CNTNAP2: variants seen among roughly 807,000 people sequenced by gnomAD.
CNTNAP2 encodes contactin-associated protein-like 2.
A neutral mutation model predicts 155.2 loss-of-function variants in CNTNAP2; 98 were observed. The ratio of observed to expected loss-of-function variants is 0.63; its 90% CI spans 0.54 to 0.75. The LOEUF (loss-of-function observed/expected upper bound fraction) is 0.75, where lower values mean the gene tolerates loss of function less well. Among genes scored for constraint, CNTNAP2 ranks in the 30% least tolerant of loss-of-function variants. CNTNAP2 has a pLI of 0.00. For missense variants in CNTNAP2, 1,727 were observed against 1,688.1 expected (o/e 1.02, Z -0.40); for synonymous variants, 651 against 631.2 (o/e 1.03, Z -0.47).
At chr7:146,675,181 T>A (rs200719418) in intron 1 of CNTNAP2, among the ~76,000 whole-genome samples, 5 of 150,034 alleles carry the variant, frequency 3.3e-5, no homozygotes, top group African/African-American at 9.8e-5. Context: ...AAAAAAAAAA[T>A]AATAAATGGG....
intron 15 of CNTNAP2, among the ~76,000 whole-genome samples, chr7:148,028,488 A>G (rs1314171792): frequency 2.0e-5 from 3 of 152,206 alleles, no homozygotes; most frequent in Admixed American, 6.5e-5. Context: ...AGGTGGAAGG[A>G]TCACTTGAGT....
intron 14 of CNTNAP2, among the ~76,000 whole-genome samples, chr7:147,973,355 C>G (rs1462276813): frequency 1.3e-5 from 2 of 151,960 alleles, no homozygotes; most frequent in Non-Finnish European, 2.9e-5. Context: ...CAAAAGTGAC[C>G]AAGGAGGCAT....
intron 13 of CNTNAP2, among the ~76,000 whole-genome samples, chr7:147,801,313 T>TTTG (rs1554436491): frequency 6.6e-6 from 1 of 150,690 alleles, no homozygotes; most frequent in African/African-American, 2.4e-5. Flanking sequence ...TATGAAGTTT[T>TTTG]TTTTTTTTTT....
intron 1 of CNTNAP2, among the ~76,000 whole-genome samples, chr7:146,767,242 A>G (rs945507198): frequency 3.6e-4 from 55 of 152,168 alleles, no homozygotes; most frequent in African/African-American, 1.3e-3. Flanking sequence ...GTGCAAAGTT[A>G]GTTGCTTCTG....
intron 15 of CNTNAP2, among the ~76,000 whole-genome samples, chr7:148,006,313 GTTC>G (rs1801977942): frequency 7.2e-6 from 1 of 138,144 alleles, no homozygotes; most frequent in African/African-American, 2.8e-5. Context: ...TTTATAGGAA[GTTC>G]TTTTTTTTTT....
chr7:148,003,066 AG>A (rs1789246116), intron 15 of CNTNAP2, among the ~76,000 whole-genome samples: 1 of 152,160 alleles, frequency 6.6e-6, no homozygotes, highest in Non-Finnish European at 1.5e-5. Context: ...TTGTGCTGAC[AG>A]TGCAGGTTCT....
At chr7:146,270,099 C>T (rs1401036520) in intron 1 of CNTNAP2, among the ~76,000 whole-genome samples, 2 of 152,254 alleles carry the variant, frequency 1.3e-5, no homozygotes, top group Non-Finnish European at 2.9e-5. Flanking sequence ...TCTAACTGGA[C>T]TTTCTCCCAT....
chr7:146,952,361 A>G (rs574007655), intron 3 of CNTNAP2, among the ~76,000 whole-genome samples: 3 of 152,194 alleles, frequency 2.0e-5, no homozygotes, highest in African/African-American at 7.2e-5. Flanking sequence ...CCATTTGAAA[A>G]CTGGCACAAG....
intron 11 of CNTNAP2, among the ~76,000 whole-genome samples, chr7:147,489,181 T>C (rs1028835109): frequency 6.6e-6 from 1 of 152,192 alleles, no homozygotes; most frequent in Admixed American, 6.5e-5. Flanking sequence ...CCTGTTTTCA[T>C]TTGTTAGTTT....
chr7:147,251,995 G>T (rs374819920), intron 8 of CNTNAP2, among the ~76,000 whole-genome samples: 1 of 152,050 alleles, frequency 6.6e-6, no homozygotes, highest in Admixed American at 6.6e-5. Flanking sequence ...AAGAATCTTT[G>T]GGAATATAGG....
At chr7:147,345,278 G>A (rs1795834874) in intron 9 of CNTNAP2, among the ~76,000 whole-genome samples, 1 of 152,038 alleles carries the variant, frequency 6.6e-6, no homozygotes, top group Admixed American at 6.6e-5. Context: ...TTGACAGCAG[G>A]GAGAAAGTAC....
intron 21 of CNTNAP2, among the ~76,000 whole-genome samples, chr7:148,362,288 A>G (rs1461126278): frequency 1.3e-5 from 2 of 152,228 alleles, no homozygotes; most frequent in South Asian, 2.1e-4. Context: ...CCATGATTCA[A>G]TTACGTCCCC....
intron 14 of CNTNAP2, among the ~76,000 whole-genome samples, chr7:147,920,623 A>G (rs746014287): frequency 1.1e-4 from 16 of 152,098 alleles, no homozygotes; most frequent in Non-Finnish European, 2.1e-4. Context: ...ACATCCAATC[A>G]TTCAGCTCAT....
At chr7:147,173,631 A>G (rs1205328032) in intron 8 of CNTNAP2, among the ~76,000 whole-genome samples, 1 of 152,194 alleles carries the variant, frequency 6.6e-6, no homozygotes. Flanking sequence ...CTCGATCTGT[A>G]TAAACCGTAC....
chr7:146,841,373 G>T (rs1172299255), intron 3 of CNTNAP2, among the ~76,000 whole-genome samples: 2 of 151,748 alleles, frequency 1.3e-5, no homozygotes, highest in South Asian at 4.2e-4. Context: ...AAGGGGGTTG[G>T]GTGGGGGGAA....
At position 147,558,695 on chromosome 7, in the gene CNTNAP2, T is replaced by TC. The variant is rs1303729285; in HGVS notation, c.1778-3442dup. On this transcript the variant is annotated intron_variant, in intron 11 of 23. Coordinates refer to ENST00000361727, the MANE Select transcript of CNTNAP2 (RefSeq NM_014141.6). The stretch of plus-strand genomic sequence containing the variant: ...AAGAAAACTTTTTTCCTTCGTTCGT[T>TC]CTTTCCTTCCTTCCTTCCTTCCTTC... 1.5e-4 allele frequency among the ~76,000 whole-genome samples: 19 copies of TC among 124,872 alleles called. 2 individuals carry two copies. The South Asian group carries it at 3.0e-3, about 20-fold the overall frequency. The allele number at this position is 124,872 out of a possible 152,430, so 81.9% of individuals were successfully genotyped here.
At chr7:147,739,132 C>T (rs1341604512) in intron 13 of CNTNAP2, among the ~76,000 whole-genome samples, 2 of 148,752 alleles carry the variant, frequency 1.3e-5, no homozygotes, top group Non-Finnish European at 1.5e-5. Flanking sequence ...GTCATTTTGT[C>T]TCTCTGAAGT....
At chr7:148,353,063 G>A (rs1798455611) in intron 21 of CNTNAP2, among the ~76,000 whole-genome samples, 1 of 152,206 alleles carries the variant, frequency 6.6e-6, no homozygotes, top group African/African-American at 2.4e-5. Context: ...TATGCACTGT[G>A]AATGCCAGTG....
At chr7:148,307,818 C>T (rs959358731) in intron 21 of CNTNAP2, among the ~76,000 whole-genome samples, 6 of 151,998 alleles carry the variant, frequency 3.9e-5, no homozygotes, top group Non-Finnish European at 8.8e-5. Flanking sequence ...AAAAAAAACA[C>T]AAAAATTGCC....
Sources: gnomAD v4.1 joint callset for allele counts (sites outside exome capture counted in the v4.1 genomes callset) on GRCh38, gnomAD v4.1.1 for gene constraint, MANE v1.5 for transcripts, NCBI Gene and HGNC (gene_info 2026-07-23, HGNC 2026-07-21) for gene names.